Variants in TRDN observed in about 807,000 individuals in gnomAD.
The protein encoded by TRDN is triadin in skeletal muscle.
In TRDN, 161 loss-of-function variants were observed where a neutral mutation model predicts 149.7. That is an observed-to-expected ratio of 1.08 (90% CI 0.95 to 1.23). TRDN has a LOEUF of 1.23. TRDN is among the 50% of genes most tolerant of loss of function. The probability of loss-of-function intolerance (pLI) is 0.00; values close to 1 mark genes in which losing one functional copy is unlikely to be tolerated. For synonymous variants in TRDN, 294 were observed against 250.5 expected (o/e 1.17, Z -1.64); for missense variants, 896 against 823.5 (o/e 1.09, Z -1.08).
At chr6:123,373,059 G>T (rs1781379115) in intron 19 of TRDN, among the ~76,000 whole-genome samples, 1 of 152,100 alleles carries the variant, frequency 6.6e-6, no homozygotes, top group Admixed American at 6.6e-5. Flanking sequence ...CTCTTCTTTA[G>T]CATCGCACCA....
At chr6:123,350,008 G>A (rs1336338128) in intron 21 of TRDN, 3 of 985,156 alleles carry the variant, frequency 3.0e-6, no homozygotes, top group East Asian at 2.3e-4. Context: ...GCCCATTTAT[G>A]AATTTTGAAA....
intron 1 of TRDN, among the ~76,000 whole-genome samples, chr6:123,572,543 C>T (rs566917577): frequency 3.3e-5 from 5 of 152,148 alleles, no homozygotes; most frequent in African/African-American, 4.8e-5. Context: ...TCATCTGGAA[C>T]AACTATTTCA....
intron 2 of TRDN, among the ~76,000 whole-genome samples, chr6:123,560,971 T>C (rs1302833195): frequency 6.6e-6 from 1 of 152,158 alleles, no homozygotes; most frequent in Admixed American, 6.5e-5. Flanking sequence ...CTCCTCCCTT[T>C]CCTACACATC....
chr6:123,635,775 C>T (rs1432492269), intron 1 of TRDN, among the ~76,000 whole-genome samples: 16 of 151,960 alleles, frequency 1.1e-4, no homozygotes, highest in Non-Finnish European at 1.3e-4. Flanking sequence ...GTCTGATTTT[C>T]TTACAGCTGT....
At chr6:123,586,023 A>T (rs1250108309) in intron 1 of TRDN, among the ~76,000 whole-genome samples, 6 of 151,914 alleles carry the variant, frequency 3.9e-5, no homozygotes, top group Non-Finnish European at 8.8e-5. Flanking sequence ...CGGCCTTTTG[A>T]CCTTTTAGGG....
At chr6:123,400,494 A>T (rs1355960998) in intron 12 of TRDN, among the ~76,000 whole-genome samples, 1 of 152,046 alleles carries the variant, frequency 6.6e-6, no homozygotes, top group African/African-American at 2.4e-5. Context: ...TAGCATGAGC[A>T]ATTGACAATA....
At chr6:123,521,154 T>A (rs1779660221) in intron 5 of TRDN, among the ~76,000 whole-genome samples, 1 of 152,160 alleles carries the variant, frequency 6.6e-6, no homozygotes, top group African/African-American at 2.4e-5. Flanking sequence ...TTATTCTGAA[T>A]CACCCTTTTT....
intron 40 of TRDN, among the ~76,000 whole-genome samples, chr6:123,219,924 G>A (rs1464746402): frequency 6.6e-6 from 1 of 151,792 alleles, no homozygotes; most frequent in African/African-American, 2.4e-5. Flanking sequence ...CTGCCTTCCA[G>A]CTGCTTATCA....
intron 38 of TRDN, among the ~76,000 whole-genome samples, chr6:123,228,513 A>C (rs1775472941): frequency 6.6e-6 from 1 of 151,904 alleles, no homozygotes; most frequent in Non-Finnish European, 1.5e-5. Context: ...AGAACTGAGC[A>C]AAGGGGACAA....
intron 10 of TRDN, among the ~76,000 whole-genome samples, chr6:123,453,803 G>C (rs535381071): frequency 6.6e-6 from 1 of 151,948 alleles, no homozygotes; most frequent in Non-Finnish European, 1.5e-5. Flanking sequence ...GATTGAACAC[G>C]CATGTTTATA....
chr6:123,388,872 T>C (rs959211315), intron 13 of TRDN, among the ~76,000 whole-genome samples: 4 of 152,142 alleles, frequency 2.6e-5, no homozygotes, highest in Non-Finnish European at 4.4e-5. Flanking sequence ...CAATCTCTTC[T>C]AGAAGGTCGT....
chr6:123,286,553 A>T (rs1226105693), intron 24 of TRDN, among the ~76,000 whole-genome samples: 1 of 152,006 alleles, frequency 6.6e-6, no homozygotes, highest in Non-Finnish European at 1.5e-5. Flanking sequence ...GTGAGGGATA[A>T]AAGACTACAA....
intron 24 of TRDN, among the ~76,000 whole-genome samples, chr6:123,291,303 G>A (rs1303298506): frequency 1.3e-5 from 2 of 151,996 alleles, no homozygotes; most frequent in African/African-American, 4.8e-5. Flanking sequence ...GGTGGATCAC[G>A]CCTGTAAGCC....
At position 123,218,695 on chromosome 6, in the gene TRDN, C is replaced by G; in HGVS notation, c.2096G>C (p.Gly699Ala). 6.3e-7 allele frequency: 1 copy of G among 1,596,368 alleles called. No homozygotes were observed. Among genetic ancestry groups the G allele is most frequent in the Admixed American group, 1.8e-5 (1 of 57,128 alleles). The change falls in exon 41 of 41, where the codon GGC becomes GCC. Residue 699 changes from glycine to alanine, a missense_variant. Transcript: ENST00000334268. The stretch of plus-strand genomic sequence containing the variant: ...AGTGAAAGGAAACTGAAATCCATAG[C>G]CATTGTACCCATCCAAGTAGACACA... ...FQCVYLDGYNGYGFQFPFTPA... is the reference protein window; with the variant it reads ...FQCVYLDGYNAYGFQFPFTPA...
intron 1 of TRDN, among the ~76,000 whole-genome samples, chr6:123,572,059 T>A (rs1330482477): frequency 1.3e-5 from 2 of 152,156 alleles, no homozygotes; most frequent in East Asian, 1.9e-4. Flanking sequence ...AAAGTTAGTA[T>A]CTTTTAAAAA....
chr6:123,447,127 C>A (rs201700307), intron 10 of TRDN, among the ~76,000 whole-genome samples: 1 of 150,752 alleles, frequency 6.6e-6, no homozygotes, highest in East Asian at 1.9e-4. Context: ...CTTGACTTTT[C>A]TTTAGTGATA....
intron 4 of TRDN, among the ~76,000 whole-genome samples, chr6:123,538,157 T>A (rs1780642642): frequency 6.6e-6 from 1 of 152,216 alleles, no homozygotes; most frequent in Non-Finnish European, 1.5e-5. Context: ...CCTCTCATTA[T>A]GTTTTCTCTA....
intron 7 of TRDN, among the ~76,000 whole-genome samples, chr6:123,508,504 A>T (rs1043253382): frequency 2.0e-5 from 3 of 152,178 alleles, no homozygotes; most frequent in Admixed American, 2.0e-4. Flanking sequence ...GGTCACACTG[A>T]CATCCACATC....
At position 123,503,044 on chromosome 6, in the gene TRDN, A is replaced by G. The variant is rs77566980; in HGVS notation, c.793+675T>C. On this transcript the variant is annotated intron_variant, in intron 8 of 40. Coordinates refer to ENST00000334268, the MANE Select transcript of TRDN (RefSeq NM_006073.4). ...AAATTCAGGTTTATATGCCACCTCC[A>G]TTGAAGTGATATATTTTTGCAAAGT... 1.1e-3 allele frequency: 1,039 copies of G among 985,340 alleles called. 42 individuals carry two copies. The East Asian group carries it at 0.093, about 88-fold the overall frequency. The allele number at this position is 985,340 out of a possible 1,614,324, so 61.0% of individuals were successfully genotyped here.
Sources: gnomAD v4.1 joint callset for allele counts (sites outside exome capture counted in the v4.1 genomes callset) on GRCh38, gnomAD v4.1.1 for gene constraint, MANE v1.5 for transcripts, NCBI Gene and HGNC (gene_info 2026-07-23, HGNC 2026-07-21) for gene names.